BICC1: variants seen among roughly 807,000 people sequenced by gnomAD.
BICC1 encodes the protein BicC family RNA binding protein 1, also known as protein bicaudal C homolog 1.
In BICC1, 43 loss-of-function variants were observed where a neutral mutation model predicts 111.0. That is an observed-to-expected ratio of 0.39 (90% CI 0.30 to 0.50). The LOEUF (loss-of-function observed/expected upper bound fraction) is 0.50. Ranked by LOEUF, BICC1 falls within the 20% of genes least tolerant of loss-of-function variation. The pLI, the probability that BICC1 is intolerant of heterozygous loss-of-function variation, is 0.88. For synonymous variants in BICC1, 467 were observed against 434.4 expected (o/e 1.07, Z -0.93); for missense variants, 1,091 against 1,203.2 (o/e 0.91, Z 1.38).
intron 3 of BICC1, among the ~76,000 whole-genome samples, chr10:58,717,208 C>A (rs1840773522): frequency 6.6e-6 from 1 of 151,982 alleles, no homozygotes; most frequent in Non-Finnish European, 1.5e-5. Context: ...TTTTATGTAA[C>A]CAGTGATAGT....
intron 2 of BICC1, among the ~76,000 whole-genome samples, chr10:58,670,034 T>C (rs1839134744): frequency 6.6e-6 from 1 of 152,192 alleles, no homozygotes; most frequent in African/African-American, 2.4e-5. Context: ...AAATGCAGCT[T>C]GGTTAAAGTT....
intron 10 of BICC1, among the ~76,000 whole-genome samples, chr10:58,797,391 C>A (rs1843390477): frequency 6.6e-6 from 1 of 152,076 alleles, no homozygotes. Context: ...GCTATTCTTG[C>A]TTTTAACTTT....
At chr10:58,541,884 T>C (rs1222117099) in intron 1 of BICC1, among the ~76,000 whole-genome samples, 1 of 151,874 alleles carries the variant, frequency 6.6e-6, no homozygotes, top group Non-Finnish European at 1.5e-5. Flanking sequence ...GTGTGGTGGC[T>C]CACACCTGTA....
chr10:58,556,327 C>T (rs952616257), intron 1 of BICC1, among the ~76,000 whole-genome samples: 2 of 151,896 alleles, frequency 1.3e-5, no homozygotes, highest in Non-Finnish European at 2.9e-5. Flanking sequence ...GGTCTTGCAT[C>T]GAAGCATTTT....
At chr10:58,749,604 T>C (rs75537316) in intron 3 of BICC1, among the ~76,000 whole-genome samples, 4,307 of 152,282 alleles carry the variant, frequency 0.028, 77 homozygotes, top group Middle Eastern at 0.068. Flanking sequence ...CTCTTAAAAC[T>C]GTAATGTTAT....
intron 19 of BICC1, 24 bp downstream of exon 19, chr10:58,817,746 A>G (rs201021778): frequency 8.3e-5 from 131 of 1,583,028 alleles, no homozygotes; most frequent in Non-Finnish European, 1.1e-4. Flanking sequence ...TATTTTCCCA[A>G]GTATCTTTGT....
chr10:58,819,480 A>G (rs1844191677), intron 19 of BICC1, among the ~76,000 whole-genome samples: 1 of 152,202 alleles, frequency 6.6e-6, no homozygotes, highest in Admixed American at 6.5e-5. Context: ...TGATTTAACA[A>G]GAATCCCCCA....
At chr10:58,702,176 T>C in intron 3 of BICC1, 33 bp downstream of exon 3, 1 of 1,544,384 alleles carries the variant, frequency 6.5e-7, no homozygotes, top group Non-Finnish European at 8.9e-7. Context: ...ATAGGTGGTT[T>C]TGATAACTGA....
chr10:58,676,191 G>C (rs139944959), intron 2 of BICC1, among the ~76,000 whole-genome samples: 10 of 152,272 alleles, frequency 6.6e-5, no homozygotes, highest in Non-Finnish European at 1.0e-4. Context: ...GCACAAAACT[G>C]GGTGGCTGTT....
At chr10:58,658,075 G>A (rs889285463) in intron 2 of BICC1, among the ~76,000 whole-genome samples, 4 of 152,066 alleles carry the variant, frequency 2.6e-5, no homozygotes, top group African/African-American at 4.8e-5. Context: ...TTTTCACTAC[G>A]ACACCACCAT....
chr10:58,653,146 G>A (rs75704190), intron 2 of BICC1, among the ~76,000 whole-genome samples: 3,414 of 152,260 alleles, frequency 0.022, 71 homozygotes, highest in Non-Finnish European at 0.035. Context: ...TCTAAAATAT[G>A]AAGTATATTT....
chr10:58,568,414 A>T (rs1341566198), intron 1 of BICC1, among the ~76,000 whole-genome samples: 1 of 152,148 alleles, frequency 6.6e-6, no homozygotes, highest in African/African-American at 2.4e-5. Context: ...CCACACTCTA[A>T]ACCTGGGTCA....
rs568870063 is a variant in BICC1, at chr10:58,703,310, C to T, written c.307+1167C>T. Among the ~76,000 whole-genome samples, 3 of 142,868 alleles carry T rather than the reference C, an allele frequency of 2.1e-5. No homozygotes were observed. The East Asian group carries it at 6.4e-4, about 30-fold the overall frequency. 93.7% of individuals were successfully genotyped at this position (142,868 alleles called of 152,430 possible). A position where few individuals can be genotyped will look rare whatever the true frequency, so the allele number is the denominator to read the frequency against. Reference sequence around the variant, plus strand: ...CTCAAGTAGCTGGGACTATAGGACACCACCATGCTTGGGTAATGTTTGCAT... The same window carrying T: ...CTCAAGTAGCTGGGACTATAGGACATCACCATGCTTGGGTAATGTTTGCAT... On this transcript the variant is annotated intron_variant, in intron 3 of 20. Coordinates refer to ENST00000373886, the MANE Select transcript of BICC1 (RefSeq NM_001080512.3).
chr10:58,662,639 C>T (rs572035842), intron 2 of BICC1, among the ~76,000 whole-genome samples: 1 of 152,056 alleles, frequency 6.6e-6, no homozygotes, highest in Non-Finnish European at 1.5e-5. Context: ...TGACATGACC[C>T]CTGATTACTT....
chr10:58,707,625 G>C (rs988710210), intron 3 of BICC1, among the ~76,000 whole-genome samples: 1 of 152,118 alleles, frequency 6.6e-6, no homozygotes, highest in African/African-American at 2.4e-5. Context: ...CGCCTCCCGG[G>C]TTCAAGCGAT....
intron 20 of BICC1, among the ~76,000 whole-genome samples, chr10:58,822,422 A>G (rs565304341): frequency 6.6e-6 from 1 of 152,276 alleles, no homozygotes; most frequent in South Asian, 2.1e-4. Flanking sequence ...TGGGGGAGGT[A>G]AGATGGGAAT....
intron 2 of BICC1, among the ~76,000 whole-genome samples, chr10:58,639,567 G>GTTTTTTTTTTT (rs141399509): frequency 1.1e-5 from 1 of 89,948 alleles, no homozygotes; most frequent in Non-Finnish European, 2.2e-5. Flanking sequence ...CCAGCTAATT[G>GTTTTTTTTTTT]TTTTTTTTTT....
At chr10:58,709,143 C>T (rs1434315267) in intron 3 of BICC1, among the ~76,000 whole-genome samples, 2 of 152,078 alleles carry the variant, frequency 1.3e-5, no homozygotes, top group Non-Finnish European at 2.9e-5. Flanking sequence ...TGCTACAGAA[C>T]ACTAGGATTT....
chr10:58,724,579 C>T (rs1386476234), intron 3 of BICC1, among the ~76,000 whole-genome samples: 2 of 152,212 alleles, frequency 1.3e-5, no homozygotes, highest in African/African-American at 4.8e-5. Context: ...GTACAGGATT[C>T]CTTGGAGTCA....
Sources: allele counts gnomAD v4.1 joint callset (sites outside exome capture counted in the v4.1 genomes callset), GRCh38; gene constraint gnomAD v4.1.1; transcripts MANE v1.5; gene names NCBI Gene and HGNC (gene_info 2026-07-23, HGNC 2026-07-21).